Variants in RABGAP1L observed in about 807,000 individuals in gnomAD.
The protein encoded by RABGAP1L is rab GTPase-activating protein 1-like.
RABGAP1L carries 63 observed loss-of-function variants against 137.7 expected under a neutral mutation model. That is an observed-to-expected ratio of 0.46 (90% confidence interval 0.37 to 0.56). RABGAP1L has a LOEUF of 0.56. Among genes scored for constraint, RABGAP1L ranks in the 20% least tolerant of loss-of-function variants. The pLI, the probability that RABGAP1L is intolerant of heterozygous loss-of-function variation, is 0.00. For synonymous variants in RABGAP1L, 431 were observed against 433.7 expected (o/e 0.99, Z 0.08); for missense variants, 1,095 against 1,244.0 (o/e 0.88, Z 1.80).
intron 13 of RABGAP1L, among the ~76,000 whole-genome samples, chr1:174,586,075 G>A (rs555082444): frequency 5.3e-5 from 8 of 152,134 alleles, no homozygotes; most frequent in African/African-American, 1.2e-4. Context: ...ACATGCATGC[G>A]TATGTTCATT....
chr1:174,241,607 G>T lies in RABGAP1L; in HGVS notation c.667G>T (p.Gly223Cys). 1 of 1,613,818 alleles carries T rather than the reference G, an allele frequency of 6.2e-7. No homozygotes were observed. Residue 223 changes from glycine to cysteine, a missense_variant, in exon 5 of 26, where the codon GGT (glycine) becomes TGT (cysteine). This residue lies in a region of RABGAP1L where 356 missense variants were observed against 326.3 expected (regional missense o/e 1.09). Coordinates refer to ENST00000681986, the MANE Select transcript of RABGAP1L (RefSeq NM_001366446.1). ...NCFAFTESSH[G>C]SEEFQIHVFS... ...CTTTGCATTTACAGAGAGTTCCCAT[G>T]GTTCGGAAGAATTTCAGATACATGT...
At chr1:174,395,616 T>C (rs537182054) in intron 13 of RABGAP1L, among the ~76,000 whole-genome samples, 1 of 152,144 alleles carries the variant, frequency 6.6e-6, no homozygotes, top group South Asian at 2.1e-4. Context: ...TGTTTAAAAC[T>C]TATACAAGTA....
intron 21 of RABGAP1L, among the ~76,000 whole-genome samples, chr1:174,974,802 C>T (rs1019750218): frequency 1.3e-5 from 2 of 152,172 alleles, no homozygotes; most frequent in African/African-American, 4.8e-5. Context: ...CTGGCCTGGC[C>T]ATCTGGACAT....
intron 11 of RABGAP1L, among the ~76,000 whole-genome samples, chr1:174,328,097 A>G (rs1368079146): frequency 6.7e-6 from 1 of 149,638 alleles, no homozygotes; most frequent in Non-Finnish European, 1.5e-5. Context: ...GAATACAGTA[A>G]TAGTAGGGAA....
intron 14 of RABGAP1L, among the ~76,000 whole-genome samples, chr1:174,639,781 C>T (rs970422706): frequency 1.3e-5 from 2 of 152,026 alleles, no homozygotes; most frequent in Non-Finnish European, 1.5e-5. Context: ...AAAAGTTGAA[C>T]GATTGGCACT....
At chr1:174,511,446 TA>T (rs1662329873) in intron 13 of RABGAP1L, among the ~76,000 whole-genome samples, 1 of 152,156 alleles carries the variant, frequency 6.6e-6, no homozygotes, top group Admixed American at 6.5e-5. Context: ...GAAACTAAAA[TA>T]AATTAAGCCA....
chr1:174,914,699 T>C (rs1183973461), intron 19 of RABGAP1L, among the ~76,000 whole-genome samples: 3 of 152,188 alleles, frequency 2.0e-5, no homozygotes, highest in African/African-American at 7.2e-5. Flanking sequence ...AGTTATATAG[T>C]ATAAAATTCA....
intron 10 of RABGAP1L, among the ~76,000 whole-genome samples, chr1:174,280,152 C>G (rs1675391807): frequency 6.6e-6 from 1 of 151,498 alleles, no homozygotes; most frequent in African/African-American, 2.4e-5. Context: ...GACTATAACT[C>G]CTTACCTTAA....
intron 13 of RABGAP1L, among the ~76,000 whole-genome samples, chr1:174,634,991 A>T (rs919079211): frequency 6.6e-6 from 1 of 150,708 alleles, no homozygotes; most frequent in Non-Finnish European, 1.5e-5. Flanking sequence ...TATGTATCTA[A>T]CCTGCACAAT....
At chr1:174,340,761 G>A (rs1156969412) in intron 11 of RABGAP1L, among the ~76,000 whole-genome samples, 7 of 152,190 alleles carry the variant, frequency 4.6e-5, no homozygotes, top group Non-Finnish European at 7.3e-5. Flanking sequence ...ATAATAGAAT[G>A]ATTTATATTC....
chr1:174,786,303 G>C (rs539727064), intron 18 of RABGAP1L, among the ~76,000 whole-genome samples: 1 of 152,236 alleles, frequency 6.6e-6, no homozygotes, highest in South Asian at 2.1e-4. Context: ...AAAAGCTTTG[G>C]GAACTTTAAT....
At chr1:174,644,190 G>T (rs1674766642) in intron 14 of RABGAP1L, among the ~76,000 whole-genome samples, 1 of 152,004 alleles carries the variant, frequency 6.6e-6, no homozygotes, top group Non-Finnish European at 1.5e-5. Flanking sequence ...AAAGGTCAGG[G>T]TTTGTGAAGC....
intron 19 of RABGAP1L, among the ~76,000 whole-genome samples, chr1:174,939,368 CA>C (rs1332805825): frequency 6.6e-6 from 1 of 151,962 alleles, no homozygotes; most frequent in African/African-American, 2.4e-5. Context: ...CCAGCCTGGC[CA>C]ACATGGCGAA....
At chr1:174,194,956 C>G (rs1241644499) in intron 1 of RABGAP1L, among the ~76,000 whole-genome samples, 1 of 152,164 alleles carries the variant, frequency 6.6e-6, no homozygotes, top group Non-Finnish European at 1.5e-5. Context: ...ATTGTTCACT[C>G]TTAGTTCTTT....
intron 19 of RABGAP1L, among the ~76,000 whole-genome samples, chr1:174,831,738 T>A (rs1692134941): frequency 6.8e-6 from 1 of 148,112 alleles, no homozygotes; most frequent in Non-Finnish European, 1.5e-5. Flanking sequence ...AAAAAAAAAC[T>A]AGCTTTATGT....
intron 13 of RABGAP1L, among the ~76,000 whole-genome samples, chr1:174,436,889 GGCA>G (rs1333542519): frequency 2.0e-5 from 3 of 152,174 alleles, no homozygotes; most frequent in Non-Finnish European, 4.4e-5. Flanking sequence ...GGAACGATCA[GGCA>G]GCAGCATTTG....
At chr1:174,550,895 T>TATATATATATATATATAC (rs1456087584) in intron 13 of RABGAP1L, among the ~76,000 whole-genome samples, 6 of 50,954 alleles carry the variant, frequency 1.2e-4, no homozygotes, top group East Asian at 1.2e-3. Flanking sequence ...TATATATATA[T>TATATATATATATATATAC]ACACACACAC....
At chr1:174,554,579 G>A (rs1254061177) in intron 13 of RABGAP1L, among the ~76,000 whole-genome samples, 2 of 152,108 alleles carry the variant, frequency 1.3e-5, no homozygotes, top group Non-Finnish European at 2.9e-5. Flanking sequence ...ATAGGATGAA[G>A]TGTTTGTTTT....
chr1:174,186,730 A>G (rs1412846395), intron 1 of RABGAP1L, among the ~76,000 whole-genome samples: 1 of 152,230 alleles, frequency 6.6e-6, no homozygotes, highest in East Asian at 1.9e-4. Context: ...GGTTAATTGA[A>G]GAAGTTGTTT....
Sources: gnomAD v4.1 joint callset for allele counts (sites outside exome capture counted in the v4.1 genomes callset) on GRCh38, gnomAD v4.1.1 for gene constraint, gnomAD v4.1.1 regional missense constraint, MANE v1.5 for transcripts, NCBI Gene and HGNC (gene_info 2026-07-23, HGNC 2026-07-21) for gene names.